Variants in GAL3ST1 observed in about 807,000 individuals in gnomAD.
GAL3ST1 encodes the protein galactose-3-O-sulfotransferase 1, also known as galactosylceramide sulfotransferase.
GAL3ST1 carries 13 observed loss-of-function variants against 25.0 expected under a neutral mutation model. The ratio of observed to expected loss-of-function variants is 0.52; its 90% CI spans 0.34 to 0.83. The LOEUF is 0.83. Ranked by LOEUF, GAL3ST1 falls within the 40% of genes least tolerant of loss-of-function variation. The pLI, the probability that GAL3ST1 is intolerant of heterozygous loss-of-function variation, is 0.02. For synonymous variants in GAL3ST1, 274 were observed against 277.8 expected, an observed-to-expected ratio of 0.99 and a Z score of 0.14; for missense variants, 474 against 613.6, an observed-to-expected ratio of 0.77 and a Z score of 2.40.
chr22:30,569,871 C>T (rs1219776457), intron 1 of GAL3ST1, among the ~76,000 whole-genome samples: 1 of 152,162 alleles, frequency 6.6e-6, no homozygotes, highest in Non-Finnish European at 1.5e-5. Context: ...TTGCTTGAGC[C>T]CAGGAGTTCG....
At position 30,559,398 on chromosome 22, in the gene GAL3ST1, A is replaced by G. The variant is rs553257292; in HGVS notation, c.-119-1010T>C. Among the ~76,000 whole-genome samples, 91 of 151,552 alleles carry G rather than the reference A, an allele frequency of 6.0e-4. 1 individual carries two copies. Among genetic ancestry groups the G allele is most frequent in the East Asian group, 3.2e-3 (16 of 5,072 alleles). On this transcript the variant is annotated intron_variant, in intron 1 of 3. Coordinates refer to ENST00000406361, the MANE Select transcript of GAL3ST1 (RefSeq NM_001318104.2). The stretch of plus-strand genomic sequence containing the variant: ...TGGGATTACAGGCACACGCCACCAC[A>G]CCCAGCTAATTTTTGTATTTTTAGT...
At chr22:30,566,120 T>TTAAACTGCC (rs1168408531) in intron 1 of GAL3ST1, 7 of 152,412 alleles carry the variant, frequency 4.6e-5, no homozygotes, top group Admixed American at 3.3e-4. Flanking sequence ...ACACCAGAGC[T>TTAAACTGCC]TAAACTGCCA....
At chr22:30,572,512 A>T (rs1398778849) in intron 1 of GAL3ST1, among the ~76,000 whole-genome samples, 1 of 152,106 alleles carries the variant, frequency 6.6e-6, no homozygotes, top group Non-Finnish European at 1.5e-5. Context: ...CCCTTCACAC[A>T]CTCAGCGTTA....
chr22:30,561,330 G>A (rs1377631114), intron 1 of GAL3ST1, among the ~76,000 whole-genome samples: 4 of 152,168 alleles, frequency 2.6e-5, no homozygotes, highest in African/African-American at 9.7e-5. Context: ...ATCCCTCCTA[G>A]TTTTACTTTT....
chr22:30,557,196 G>A, intron 3 of GAL3ST1, 66 bp downstream of exon 3: 1 of 1,548,108 alleles, frequency 6.5e-7, no homozygotes, highest in South Asian at 1.1e-5. Flanking sequence ...TAATTACAGG[G>A]CCCCATGGGT....
At chr22:30,569,378 C>A (rs1479794731) in intron 1 of GAL3ST1, among the ~76,000 whole-genome samples, 1 of 152,082 alleles carries the variant, frequency 6.6e-6, no homozygotes, top group African/African-American at 2.4e-5. Flanking sequence ...ATCCTATTGG[C>A]AGCAGGTATG....
chr22:30,556,607 G>A (rs1457669419), intron 3 of GAL3ST1, among the ~76,000 whole-genome samples: 1 of 152,180 alleles, frequency 6.6e-6, no homozygotes. Context: ...TTGAATCCAT[G>A]CCCATGGACA....
At chr22:30,572,982 C>T (rs2086824713) in intron 1 of GAL3ST1, 1 of 152,224 alleles carries the variant, frequency 6.6e-6, no homozygotes, top group Non-Finnish European at 1.5e-5. Flanking sequence ...GACAAGAGGG[C>T]ATCGGACCCA....
At chr22:30,560,348 T>G (rs1203103383) in intron 1 of GAL3ST1, 1 of 152,096 alleles carries the variant, frequency 6.6e-6, no homozygotes, top group Admixed American at 6.5e-5. Context: ...AGAACCCTCA[T>G]GGAGTCTCAG....
chr22:30,571,005 C>CAT (rs1180941941), intron 1 of GAL3ST1, among the ~76,000 whole-genome samples: 1 of 151,946 alleles, frequency 6.6e-6, no homozygotes, highest in Admixed American at 6.6e-5. Context: ...CACACACACA[C>CAT]ACACACACAC....
At chr22:30,571,854 A>T (rs1404768100) in intron 1 of GAL3ST1, among the ~76,000 whole-genome samples, 12 of 151,728 alleles carry the variant, frequency 7.9e-5, no homozygotes, top group Non-Finnish European at 1.5e-4. Context: ...ACAGAGCAAG[A>T]CTCCGTCTCA....
At chr22:30,556,193 A>T in intron 3 of GAL3ST1, 100 bp from the exon 4 acceptor site, 1 of 1,010,786 alleles carries the variant, frequency 9.9e-7, no homozygotes, top group East Asian at 2.6e-5. Context: ...GTGGTGGCAA[A>T]GGAGCTGGGA....
At chr22:30,562,228 A>G (rs1294773748) in intron 1 of GAL3ST1, among the ~76,000 whole-genome samples, 1 of 152,104 alleles carries the variant, frequency 6.6e-6, no homozygotes, top group African/African-American at 2.4e-5. Context: ...CTTTTTAAAA[A>G]AAATTTTGTA....
chr22:30,559,937 T>G (rs1239056876), intron 1 of GAL3ST1, among the ~76,000 whole-genome samples: 1 of 152,226 alleles, frequency 6.6e-6, no homozygotes, highest in African/African-American at 2.4e-5. Flanking sequence ...AAAAGTCACA[T>G]GTGCTAATAA....
At chr22:30,563,498 C>A (rs561027613) in intron 1 of GAL3ST1, among the ~76,000 whole-genome samples, 1 of 152,322 alleles carries the variant, frequency 6.6e-6, no homozygotes, top group South Asian at 2.1e-4. Context: ...TGCCTGTAGT[C>A]CCAGCTACTG....
intron 3 of GAL3ST1, 84 bp downstream of exon 3, chr22:30,557,178 C>T (rs2086089816): frequency 2.2e-5 from 31 of 1,418,978 alleles, no homozygotes; most frequent in Non-Finnish European, 3.0e-5. Flanking sequence ...CTGGGGCAGG[C>T]CCTGTGGTAA....
At chr22:30,569,293 C>G (rs1241293067) in intron 1 of GAL3ST1, among the ~76,000 whole-genome samples, 1 of 152,098 alleles carries the variant, frequency 6.6e-6, no homozygotes, top group Non-Finnish European at 1.5e-5. Flanking sequence ...GTAGTTGTTA[C>G]AGCTGTGCAG....
intron 1 of GAL3ST1, among the ~76,000 whole-genome samples, chr22:30,564,546 C>T (rs2086563455): frequency 6.6e-6 from 1 of 152,228 alleles, no homozygotes; most frequent in South Asian, 2.1e-4. Context: ...CACCAGCCCA[C>T]TCCATCTATT....
rs1261555564 is a variant in GAL3ST1, at chr22:30,555,249, G to A, written c.976C>T (p.Arg326Cys). Residue 326 changes from arginine to cysteine, a missense_variant, in exon 4 of 4, where the codon CGC (arginine) becomes TGC (cysteine). By Grantham distance (180) the Arg-to-Cys change is radical. Around this residue, in one of 2 missense-constraint regions of GAL3ST1, gnomAD observed 359 missense variants for 504.4 expected, o/e 0.71. Transcript: ENST00000406361. This position sits in a 1 kb window ranked among gnomAD's most constrained non-coding sequence, Gnocchi z 8.6. ...AGGGCGGCCACCTCGCGGGCCATGC[G>A]CTCCCGCCCGAAGGCCTCCACCTTG... ...WRKVEAFGRE[R>C]MAREVAALRH... 1.3e-6 allele frequency: 2 copies of A among 1,598,776 alleles called. No individual in the cohort carries two copies. The highest frequency in any genetic ancestry group is 8.5e-7 in the Non-Finnish European group (1 of 1,175,534).
Sources: allele counts gnomAD v4.1 joint callset (sites outside exome capture counted in the v4.1 genomes callset), GRCh38; gene constraint gnomAD v4.1.1; regional missense constraint gnomAD v4.1.1; non-coding constraint Gnocchi (gnomAD v3.1); transcripts MANE v1.5; gene names NCBI Gene and HGNC (gene_info 2026-07-23, HGNC 2026-07-21).